HSPA4: variants seen among roughly 807,000 people sequenced by gnomAD.
HSPA4 encodes heat shock 70 kDa protein 4.
HSPA4 carries 25 observed loss-of-function variants against 106.2 expected under a neutral mutation model. The observed-to-expected ratio is 0.24, with a 90% confidence interval of 0.17 to 0.33. HSPA4 has a LOEUF of 0.33. HSPA4 is among the 10% of genes least tolerant of loss of function. The probability of loss-of-function intolerance (pLI) is 1.00; values close to 1 mark genes in which losing one functional copy is unlikely to be tolerated. For synonymous variants in HSPA4, 332 were observed against 333.6 expected (o/e 1.00, Z 0.05); for missense variants, 841 against 996.0 (o/e 0.84, Z 2.10).
chr5:133,104,586 G>A lies in HSPA4; in HGVS notation c.*150G>A. ...GGAGGGGAAATAGGTAATGTATGGA[G>A]CATTTTCACTTCTAAATAGTTAGAT... On this transcript the variant is annotated 3_prime_UTR_variant, in exon 19 of 19. Transcript: ENST00000304858. The A allele has an allele frequency of 1.5e-6, 1 of 646,490 alleles. No homozygotes were observed. The highest frequency in any genetic ancestry group is 1.8e-5 in the African/African-American group (1 of 54,608). 40.0% of individuals were successfully genotyped at this position (646,490 alleles called of 1,614,324 possible).
chr5:133,070,193 A>AAT (rs1161864428), intron 3 of HSPA4, among the ~76,000 whole-genome samples, 181 bp from the exon 4 acceptor site: 24 of 151,680 alleles, frequency 1.6e-4, no homozygotes, highest in Non-Finnish European at 2.8e-4. Context: ...ATAATAATAA[A>AAT]AAAAGAAGCT....
chr5:133,093,299 ACTCT>A (rs1381624452), intron 13 of HSPA4, among the ~76,000 whole-genome samples: 1 of 151,766 alleles, frequency 6.6e-6, no homozygotes, highest in African/African-American at 2.4e-5. Flanking sequence ...TGGCCTTTAA[ACTCT>A]CTCCTGGTTG....
At chr5:133,067,201 T>C (rs1765317830) in intron 2 of HSPA4, among the ~76,000 whole-genome samples, 1 of 152,202 alleles carries the variant, frequency 6.6e-6, no homozygotes, top group Non-Finnish European at 1.5e-5. Context: ...AGCAGGGCTC[T>C]ATTTTTAGCC....
chr5:133,090,312 TC>T (rs908360461), intron 11 of HSPA4, among the ~76,000 whole-genome samples: 4 of 150,722 alleles, frequency 2.7e-5, no homozygotes, highest in Non-Finnish European at 5.9e-5. Flanking sequence ...GCGCCTGTAA[TC>T]CCAGCTACTT....
chr5:133,059,879 A>G (rs1247942951), intron 1 of HSPA4, among the ~76,000 whole-genome samples: 1 of 152,178 alleles, frequency 6.6e-6, no homozygotes, highest in African/African-American at 2.4e-5. Flanking sequence ...GATTCCTGCC[A>G]TGGATAGGGA....
chr5:133,084,627 C>T (rs186344407), intron 7 of HSPA4, among the ~76,000 whole-genome samples: 29 of 151,930 alleles, frequency 1.9e-4, no homozygotes, highest in East Asian at 7.7e-4. Context: ...TGCACCACCA[C>T]GCCTGGCTAA....
chr5:133,064,691 A>T (rs1765286650), intron 1 of HSPA4, among the ~76,000 whole-genome samples: 1 of 152,190 alleles, frequency 6.6e-6, no homozygotes, highest in Non-Finnish European at 1.5e-5. Context: ...TTTGAACAGG[A>T]GACTTGAAAA....
chr5:133,095,342 T>G (rs1369823296), intron 13 of HSPA4, among the ~76,000 whole-genome samples: 1 of 151,966 alleles, frequency 6.6e-6, no homozygotes, highest in East Asian at 1.9e-4. Context: ...CAGTTGTTTG[T>G]GGGGGAAAGA....
intron 13 of HSPA4, among the ~76,000 whole-genome samples, chr5:133,095,134 A>AC (rs1408021283): frequency 6.6e-6 from 1 of 152,128 alleles, no homozygotes; most frequent in Non-Finnish European, 1.5e-5. Context: ...ACATGGTGAA[A>AC]CCCCATCTCT....
intron 7 of HSPA4, among the ~76,000 whole-genome samples, chr5:133,086,462 G>A (rs1178550803): frequency 5.9e-5 from 9 of 152,172 alleles, no homozygotes; most frequent in Admixed American, 3.9e-4. Flanking sequence ...TAGGCATCTG[G>A]GTTGTTTCAG....
chr5:133,071,716 C>T (rs1581469466), intron 4 of HSPA4, among the ~76,000 whole-genome samples: 2 of 152,268 alleles, frequency 1.3e-5, no homozygotes, highest in East Asian at 3.9e-4. Context: ...GCTTTTTCAC[C>T]CCAGAGTCTG....
chr5:133,091,124 T>C (rs1393816146), intron 11 of HSPA4, 69 bp from the exon 12 acceptor site: 2 of 1,230,950 alleles, frequency 1.6e-6, no homozygotes, highest in East Asian at 2.3e-5. Flanking sequence ...TCTAGCAATG[T>C]AGGCATATAT....
chr5:133,062,624 T>C (rs964076273), intron 1 of HSPA4, among the ~76,000 whole-genome samples: 4 of 152,188 alleles, frequency 2.6e-5, no homozygotes, highest in African/African-American at 9.7e-5. Context: ...GTTTTAGTGA[T>C]TGGTGGCATA....
chr5:133,092,911 C>T (rs929502008), intron 13 of HSPA4, 122 bp downstream of exon 13: 2 of 599,280 alleles, frequency 3.3e-6, no homozygotes, highest in Non-Finnish European at 5.7e-6. Context: ...TCCTCCACCT[C>T]CTGGGTTCAA....
At chr5:133,088,306 TGGA>T (rs1765603490) in intron 8 of HSPA4, 95 bp from the exon 9 acceptor site, 2 of 799,300 alleles carry the variant, frequency 2.5e-6, no homozygotes, top group Admixed American at 2.4e-5. Context: ...GTGAGGGAGT[TGGA>T]GGAGTTTTGT....
chr5:133,072,084 G>A (rs1031676832), intron 4 of HSPA4, among the ~76,000 whole-genome samples: 1 of 152,212 alleles, frequency 6.6e-6, no homozygotes, highest in East Asian at 1.9e-4. Context: ...CCAGTTTTGG[G>A]TATCAAGTTA....
rs1765450558 is a variant in HSPA4 at position 133,076,756 on chromosome 5, A to G, written c.766A>G (p.Ile256Val). 1.9e-6 allele frequency: 3 copies of G among 1,614,042 alleles called. No homozygotes were observed. Among genetic ancestry groups the G allele is most frequent in the Non-Finnish European group, 2.5e-6 (3 of 1,179,938 alleles). ...EEFGKKYKLD[I>V]KSKIRALLRL... ...ATTTGGGAAGAAATACAAGCTAGAC[A>G]TTAAGTCCAAAATCCGTGCATTATT... The change falls in exon 7 of 19, where the codon ATT becomes GTT. Residue 256 changes from isoleucine (I) to valine (V), a missense_variant. By Grantham distance (29) the Ile-to-Val change is conservative. Transcript: ENST00000304858.
At chr5:133,053,608 C>CT (rs1020707791) in intron 1 of HSPA4, among the ~76,000 whole-genome samples, 1 of 152,090 alleles carries the variant, frequency 6.6e-6, no homozygotes, top group Admixed American at 6.6e-5. Context: ...CCTCGGCCTT[C>CT]TGGAGTACTG....
In HSPA4 at chr5:133,105,862, TAGG is replaced by T. The variant is rs898839622; in HGVS notation, c.*1434_*1436del. 4 of 151,980 alleles carry T rather than the reference TAGG, an allele frequency of 2.6e-5. No individual in the cohort carries two copies. The highest frequency in any genetic ancestry group is 4.8e-5 in the African/African-American group (2 of 41,336). The allele number at this position is 151,980 out of a possible 1,614,324, so 9.4% of individuals were successfully genotyped here. ...TAAAGTGCAATGGAGAACAATTGCT[TAGG>T]AGGAGGAAGGGGAAAGTATACTTAT... is the stretch of plus-strand genomic sequence containing the variant. On this transcript the variant is annotated 3_prime_UTR_variant, in exon 19 of 19. Transcript: ENST00000304858.
Sources: gnomAD v4.1 joint callset for allele counts (sites outside exome capture counted in the v4.1 genomes callset) on GRCh38, gnomAD v4.1.1 for gene constraint, MANE v1.5 for transcripts, NCBI Gene and HGNC (gene_info 2026-07-23, HGNC 2026-07-21) for gene names.